RFX7: variants seen among roughly 807,000 people sequenced by gnomAD.
RFX7 encodes regulatory factor X7, also known as DNA-binding protein RFX7.
A neutral mutation model predicts 111.8 loss-of-function variants in RFX7; 26 were observed. The observed-to-expected ratio is 0.23, with a 90% CI of 0.17 to 0.32. The LOEUF is 0.32. RFX7 is among the 10% of genes least tolerant of loss of function. The pLI is 1.00. For missense variants in RFX7, 1,573 were observed against 1,772.9 expected (o/e 0.89, Z 2.02); for synonymous variants, 624 against 624.4 (o/e 1.00, Z 0.01).
chr15:56,159,767 G>T (rs2042699372), intron 3 of RFX7, among the ~76,000 whole-genome samples: 1 of 152,106 alleles, frequency 6.6e-6, no homozygotes, highest in Non-Finnish European at 1.5e-5. Context: ...ATACATACCA[G>T]ATGGACTACA....
chr15:56,106,595 G>A (rs2041833225), intron 5 of RFX7, among the ~76,000 whole-genome samples: 1 of 152,090 alleles, frequency 6.6e-6, no homozygotes, highest in African/African-American at 2.4e-5. Context: ...CTTAAATGAT[G>A]GGTTACCTCA....
chr15:56,109,370 T>C (rs1486979945), intron 5 of RFX7, among the ~76,000 whole-genome samples: 1 of 152,192 alleles, frequency 6.6e-6, no homozygotes, highest in Non-Finnish European at 1.5e-5. Context: ...CAGGCTGGAG[T>C]GCAGTGGCGT....
At chr15:56,228,945 G>C (rs1442899850) in intron 2 of RFX7, among the ~76,000 whole-genome samples, 1 of 152,018 alleles carries the variant, frequency 6.6e-6, no homozygotes, top group African/African-American at 2.4e-5. Context: ...GAACAAAATA[G>C]AATAAATAGT....
rs2043741823 is a variant in RFX7, at chr15:56,243,479, C to T, written c.-37G>A. On this transcript the variant is annotated 5_prime_UTR_variant, in exon 1 of 10. Coordinates refer to ENST00000559447, the MANE Select transcript of RFX7 (RefSeq NM_022841.7). ...CGAGTGAGTCGCTTTCGCCTGCCGC[C>T]TGGGGAACATCACCGGGGAGACCAG... 1.0e-6 allele frequency: 1 copy of T among 984,894 alleles called. No homozygotes were observed. Among genetic ancestry groups the T allele is most frequent in the South Asian group, 4.7e-5 (1 of 21,276 alleles). 61.0% of individuals were successfully genotyped at this position (984,894 alleles called of 1,614,324 possible).
chr15:56,094,139 C>T lies in RFX7; in HGVS notation c.3589G>A (p.Gly1197Arg). Residue 1197 changes from glycine to arginine, a missense_variant, in exon 10 of 10, where the codon GGA becomes AGA. Gly to Arg is a moderately radical substitution (Grantham distance 125). Transcript: ENST00000559447. ...NIPRSNVTPF[G>R]SPVTPEVHVF... Reference sequence around the variant, plus strand: ...TGAACTTCTGGGGTAACTGGACTTCCAAAGGGGGTCACATTAGATCGTGGG... The same window carrying T: ...TGAACTTCTGGGGTAACTGGACTTCTAAAGGGGGTCACATTAGATCGTGGG... The T allele has an allele frequency of 6.2e-7, 1 of 1,613,892 alleles. No homozygotes were observed. The highest frequency in any genetic ancestry group is 8.5e-7 in the Non-Finnish European group (1 of 1,179,866).
chr15:56,228,172 T>C (rs1379234166), intron 2 of RFX7, among the ~76,000 whole-genome samples: 3 of 151,976 alleles, frequency 2.0e-5, no homozygotes, highest in African/African-American at 7.2e-5. Context: ...AAAATATGCC[T>C]AGGCATATTT....
At chr15:56,122,124 G>C (rs1159670694) in intron 5 of RFX7, among the ~76,000 whole-genome samples, 4 of 152,156 alleles carry the variant, frequency 2.6e-5, no homozygotes, top group African/African-American at 9.7e-5. Context: ...ATTTATCGTA[G>C]TGTTCACAGT....
intron 5 of RFX7, among the ~76,000 whole-genome samples, chr15:56,132,168 T>C (rs2042226698): frequency 6.6e-6 from 1 of 152,206 alleles, no homozygotes; most frequent in East Asian, 1.9e-4. Flanking sequence ...TTTCAGTTAA[T>C]GTGTTTGAAT....
rs1464642196 is a variant in RFX7 at position 56,094,554 on chromosome 15, G to A, written c.3174C>T (p.Asp1058=). The change falls in exon 10 of 10, where the codon GAC becomes GAT. Residue 1058 remains aspartate (D), a synonymous_variant. Transcript: ENST00000559447. ...PMQRPMATHP[D]KTKLEWMNNG... is the part of the protein sequence containing the mutation. ...TATTCATCCATTCAAGCTTGGTTTT[G>A]TCAGGGTGTGTGGCCATGGGTCTTT... is the stretch of plus-strand genomic sequence containing the variant. 6.2e-7 allele frequency: 1 copy of A among 1,613,956 alleles called. No homozygotes were observed. Among genetic ancestry groups the A allele is most frequent in the East Asian group, 2.2e-5 (1 of 44,882 alleles).
intron 2 of RFX7, among the ~76,000 whole-genome samples, chr15:56,191,723 G>T (rs975089734): frequency 6.6e-6 from 1 of 152,004 alleles, no homozygotes; most frequent in African/African-American, 2.4e-5. Context: ...TAATTATTAC[G>T]ATCTGTGGAA....
chr15:56,150,386 C>T (rs1012215037), intron 3 of RFX7, among the ~76,000 whole-genome samples: 2 of 152,148 alleles, frequency 1.3e-5, no homozygotes, highest in African/African-American at 2.4e-5. Flanking sequence ...CAGATGGGGC[C>T]GACAGACACC....
Position 56,096,775 on chromosome 15 carries a change from C to T in RFX7, c.1108-155G>A, listed in dbSNP as rs371625108. ...GAGAGTTCTTCTAGACCAGGTTCTA[C>T]ACAATCAGACACATAAATGTAACAA... On this transcript the variant is annotated intron_variant, in intron 9 of 9. Coordinates refer to ENST00000559447, the MANE Select transcript of RFX7 (RefSeq NM_022841.7). Among the ~76,000 whole-genome samples, 12 of 152,154 alleles carry T rather than the reference C, an allele frequency of 7.9e-5. No homozygotes were observed. The East Asian group carries it at 1.3e-3, about 17-fold the overall frequency.
intron 3 of RFX7, among the ~76,000 whole-genome samples, chr15:56,154,120 G>A (rs1306593298): frequency 1.3e-5 from 2 of 149,252 alleles, no homozygotes; most frequent in African/African-American, 2.4e-5. Context: ...TACTGCTCAA[G>A]GAAATAAGAG....
At position 56,104,407 on chromosome 15, in the gene RFX7, C is replaced by G. The variant is rs2041801287; in HGVS notation, c.402-737G>C. ...CAGCAGACCAAGGCCACACCTTATT[C>G]TGGCCACCAAGGCCTTTGGGAGAAC... is the stretch of plus-strand genomic sequence containing the variant. On this transcript the variant is annotated intron_variant, in intron 5 of 9. Transcript: ENST00000559447. Among the ~76,000 whole-genome samples, 8 of 152,308 alleles carry G rather than the reference C, an allele frequency of 5.3e-5. No homozygotes were observed. The South Asian group carries it at 1.7e-3, about 32-fold the overall frequency.
Position 56,121,277 on chromosome 15 carries a change from T to C in RFX7, c.402-17607A>G, listed in dbSNP as rs1038499704. Among the ~76,000 whole-genome samples, 5 of 152,226 alleles carry C rather than the reference T, an allele frequency of 3.3e-5. 1 individual carries two copies. The highest frequency in any genetic ancestry group is 3.3e-4 in the Admixed American group (5 of 15,286). ...TATACTATTCTAGGGTAAAATATTT[T>C]TCCCTTCAGCACTTCAGATATGTCA... On this transcript the variant is annotated intron_variant, in intron 5 of 9. Coordinates refer to ENST00000559447, the MANE Select transcript of RFX7 (RefSeq NM_022841.7).
chr15:56,161,336 G>A (rs76640795), intron 3 of RFX7, among the ~76,000 whole-genome samples: 92 of 152,094 alleles, frequency 6.0e-4, no homozygotes, highest in African/African-American at 2.1e-3. Flanking sequence ...ATATTAAGAA[G>A]CCCCAAGGGG....
chr15:56,107,296 C>CAAAAAA (rs56077181), intron 5 of RFX7, among the ~76,000 whole-genome samples: 34 of 32,022 alleles, frequency 1.1e-3, no homozygotes, highest in Non-Finnish European at 1.4e-3. Flanking sequence ...GACTCCGTCT[C>CAAAAAA]AAAAAAAAAA....
intron 5 of RFX7, among the ~76,000 whole-genome samples, 182 bp downstream of exon 5, chr15:56,142,596 G>C (rs2042415200): frequency 6.6e-6 from 1 of 151,954 alleles, no homozygotes; most frequent in African/African-American, 2.4e-5. Flanking sequence ...CATTAATCCT[G>C]CCCCCCTTTA....
chr15:56,109,343 CAG>C (rs1220118315), intron 5 of RFX7, among the ~76,000 whole-genome samples: 1 of 152,282 alleles, frequency 6.6e-6, no homozygotes, highest in Non-Finnish European at 1.5e-5. Flanking sequence ...CTCCTTCACT[CAG>C]TGCTCATTGG....
Sources: gnomAD v4.1 joint callset for allele counts (sites outside exome capture counted in the v4.1 genomes callset) on GRCh38, gnomAD v4.1.1 for gene constraint, MANE v1.5 for transcripts, NCBI Gene and HGNC (gene_info 2026-07-23, HGNC 2026-07-21) for gene names.